RMI1: variants seen among roughly 807,000 people sequenced by gnomAD.
RMI1 encodes recQ-mediated genome instability protein 1.
A neutral mutation model predicts 46.7 loss-of-function variants in RMI1; 36 were observed. That is an observed-to-expected ratio of 0.77 (90% confidence interval 0.59 to 1.02). RMI1 has a LOEUF of 1.02. Among genes scored for constraint, RMI1 ranks in the 50% least tolerant of loss-of-function variants. RMI1 has a pLI of 0.00. For missense variants in RMI1, 676 were observed against 713.7 expected, an observed-to-expected ratio of 0.95 and a Z score of 0.60; for synonymous variants, 250 against 252.9, an observed-to-expected ratio of 0.99 and a Z score of 0.11.
intron 1 of RMI1, among the ~76,000 whole-genome samples, chr9:83,985,091 C>G (rs1408472435): frequency 1.3e-5 from 2 of 152,038 alleles, no homozygotes; most frequent in Non-Finnish European, 2.9e-5. Context: ...GGACTAGATG[C>G]CATTAATATA....
chr9:83,984,514 C>CA (rs1345843815), intron 1 of RMI1, among the ~76,000 whole-genome samples: 1 of 151,770 alleles, frequency 6.6e-6, no homozygotes, highest in Non-Finnish European at 1.5e-5. Flanking sequence ...TCAGGTGATC[C>CA]ACCCGCCTTG....
chr9:83,986,006 A>ATAGC (rs1957485083), intron 1 of RMI1, among the ~76,000 whole-genome samples: 1 of 152,112 alleles, frequency 6.6e-6, no homozygotes, highest in African/African-American at 2.4e-5. Context: ...AAGACTCCAA[A>ATAGC]AAAAACCCAC....
At chr9:83,984,116 ATG>A (rs1346495802) in intron 1 of RMI1, among the ~76,000 whole-genome samples, 1 of 152,144 alleles carries the variant, frequency 6.6e-6, no homozygotes, top group Admixed American at 6.6e-5. Flanking sequence ...TTTGGGGTAT[ATG>A]TGATAATTTA....
At chr9:83,999,632 C>T (rs552754773) in intron 1 of RMI1, 77 bp from the exon 2 acceptor site, 1 of 152,312 alleles carries the variant, frequency 6.6e-6, no homozygotes, top group East Asian at 1.9e-4. Context: ...CCATCAAACT[C>T]TTGCACTTAA....
chr9:83,990,049 T>C (rs1426518707), intron 1 of RMI1, among the ~76,000 whole-genome samples: 3 of 152,208 alleles, frequency 2.0e-5, no homozygotes, highest in Non-Finnish European at 4.4e-5. Flanking sequence ...TGGATGTAAC[T>C]GGAGAACATT....
chr9:83,995,968 T>TA (rs751256481), intron 1 of RMI1, among the ~76,000 whole-genome samples: 79 of 150,406 alleles, frequency 5.3e-4, no homozygotes, highest in Admixed American at 1.2e-3. Context: ...CTCAAAGAGA[T>TA]AAAAAAAAAA....
rs138501456 is a variant in RMI1, at chr9:83,997,599, C to G, written c.-125-2110C>G. 2.6e-3 allele frequency among the ~76,000 whole-genome samples: 399 copies of G among 151,964 alleles called. 2 individuals carry two copies. Among genetic ancestry groups the G allele is most frequent in the Admixed American group, 4.9e-3 (74 of 15,240 alleles). The stretch of plus-strand genomic sequence containing the variant: ...AAAACTGGCATAGGGGCTTCTTCTC[C>G]TCGTCTGTGCCACACACATTTTTAA... On this transcript the variant is annotated intron_variant, in intron 1 of 2. Transcript: ENST00000445877.
At chr9:83,980,641 A>T (rs1476745657), upstream of RMI1, 1 of 149,666 alleles carries the variant, frequency 6.7e-6, no homozygotes. Context: ...AGCTGGGGGG[A>T]GGGGCGGCTA....
At chr9:84,000,894 C>A in intron 2 of RMI1, 57 bp from the exon 3 acceptor site, 1 of 870,438 alleles carries the variant, frequency 1.1e-6, no homozygotes, top group Admixed American at 2.4e-5. Context: ...TAGAGAATTA[C>A]AGAAGCTGTA....
intron 1 of RMI1, among the ~76,000 whole-genome samples, chr9:83,988,222 T>C (rs1957520382): frequency 6.6e-6 from 1 of 152,116 alleles, no homozygotes; most frequent in African/African-American, 2.4e-5. Flanking sequence ...TTATTTACTC[T>C]CTTGAGTAAA....
intron 1 of RMI1, among the ~76,000 whole-genome samples, chr9:83,997,107 CCT>C (rs1491326913): frequency 2.2e-5 from 2 of 92,376 alleles, no homozygotes; most frequent in African/African-American, 7.3e-5. Context: ...AACACCCCCC[CCT>C]TTTTTTTTTT....
At chr9:83,991,483 G>GT (rs1957573327) in intron 1 of RMI1, among the ~76,000 whole-genome samples, 1 of 151,804 alleles carries the variant, frequency 6.6e-6, no homozygotes, top group African/African-American at 2.4e-5. Context: ...ACCCCAGTTT[G>GT]TTTTAAAAAT....
intron 1 of RMI1, among the ~76,000 whole-genome samples, chr9:83,982,633 A>C (rs1957434130): frequency 1.3e-5 from 2 of 151,764 alleles, no homozygotes; most frequent in Non-Finnish European, 2.9e-5. Flanking sequence ...GCGCCACTGC[A>C]CTCCAGCCTG....
chr9:83,990,783 TTTTC>T (rs565407157), intron 1 of RMI1, among the ~76,000 whole-genome samples: 33 of 152,164 alleles, frequency 2.2e-4, no homozygotes, highest in South Asian at 8.3e-4. Flanking sequence ...TTAATATTTG[TTTTC>T]TTTCTTTCTT....
chr9:84,002,614 T>C lies in RMI1; in HGVS notation c.1628T>C (p.Val543Ala). 6.2e-7 allele frequency: 1 copy of C among 1,613,964 alleles called. No homozygotes were observed. Among genetic ancestry groups the C allele is most frequent in the Non-Finnish European group, 8.5e-7 (1 of 1,179,894 alleles). Residue 543 changes from valine (V) to alanine (A), a missense_variant, in exon 3 of 3, where the codon GTA becomes GCA. Transcript: ENST00000445877. The stretch of plus-strand genomic sequence containing the variant: ...TCTGATGGTACTGCATATCTAGATG[T>C]AGACTTTGTGGATGAAATACTTACT... Reference protein sequence around the residue: ...KVSDGTAYLDVDFVDEILTSL... With the variant: ...KVSDGTAYLDADFVDEILTSL...
intron 1 of RMI1, among the ~76,000 whole-genome samples, chr9:83,982,837 C>T (rs1400371298): frequency 1.3e-5 from 2 of 152,046 alleles, no homozygotes; most frequent in Non-Finnish European, 2.9e-5. Context: ...TTTAGGTTTG[C>T]TCTTTAAATA....
intron 1 of RMI1, among the ~76,000 whole-genome samples, chr9:83,982,682 A>G (rs1347214259): frequency 2.7e-5 from 4 of 150,790 alleles, no homozygotes; most frequent in Admixed American, 2.6e-4. Context: ...ACAAAAACAA[A>G]AACAAAAAAA....
intron 1 of RMI1, among the ~76,000 whole-genome samples, chr9:83,989,702 T>C (rs989775727): frequency 7.9e-5 from 12 of 151,442 alleles, no homozygotes; most frequent in African/African-American, 2.9e-4. Context: ...AAAAGATTCT[T>C]GTGAGGATAA....
At chr9:83,983,367 A>G (rs1024313805) in intron 1 of RMI1, among the ~76,000 whole-genome samples, 1 of 152,192 alleles carries the variant, frequency 6.6e-6, no homozygotes, top group African/African-American at 2.4e-5. Flanking sequence ...TACTTCTTCT[A>G]ATTTCAGTCA....
Sources: allele counts gnomAD v4.1 joint callset (sites outside exome capture counted in the v4.1 genomes callset), GRCh38; gene constraint gnomAD v4.1.1; transcripts MANE v1.5; gene names NCBI Gene and HGNC (gene_info 2026-07-23, HGNC 2026-07-21).